GRIK1: variants seen among roughly 807,000 people sequenced by gnomAD.
GRIK1 encodes glutamate receptor ionotropic, kainate 1.
A neutral mutation model predicts 105.7 loss-of-function variants in GRIK1; 69 were observed. That is an observed-to-expected ratio of 0.65 (90% CI 0.54 to 0.80). The LOEUF is 0.80. GRIK1 is among the 30% of genes least tolerant of loss of function. The probability of loss-of-function intolerance (pLI) is 0.00; values close to 1 mark genes in which losing one functional copy is unlikely to be tolerated. For missense variants in GRIK1, 1,109 were observed against 1,167.3 expected, an observed-to-expected ratio of 0.95 and a Z score of 0.73; for synonymous variants, 438 against 431.3, an observed-to-expected ratio of 1.02 and a Z score of -0.19.
At chr21:29,729,122 C>T (rs2064545883) in intron 1 of GRIK1, among the ~76,000 whole-genome samples, 1 of 152,158 alleles carries the variant, frequency 6.6e-6, no homozygotes, top group Admixed American at 6.6e-5. Flanking sequence ...TTCCCCAAAG[C>T]TTCCTTGACT....
rs1203963402 is a variant in GRIK1 at position 29,684,032 on chromosome 21, T to C, written c.544+5696A>G. On this transcript the variant is annotated intron_variant, in intron 3 of 17. Coordinates refer to ENST00000327783, the MANE Select transcript of GRIK1 (RefSeq NM_001330994.2). ...CCTGGTATCCTTACATAAAACTGTATACCTCATCTCTACTGTCGGTCTCCC... is the reference window on the plus strand; with the variant it reads ...CCTGGTATCCTTACATAAAACTGTACACCTCATCTCTACTGTCGGTCTCCC... Among the ~76,000 whole-genome samples the C allele has an allele frequency of 2.0e-5, 3 of 152,252 alleles. No individual in the cohort carries two copies. The East Asian group carries it at 5.8e-4, about 29-fold the overall frequency.
intron 1 of GRIK1, among the ~76,000 whole-genome samples, chr21:29,774,506 C>G (rs2065894069): frequency 7.3e-6 from 1 of 137,486 alleles, no homozygotes; most frequent in South Asian, 2.3e-4. Flanking sequence ...GGCTGGAGTG[C>G]AGTGGCACGA....
intron 13 of GRIK1, 27 bp downstream of exon 13, chr21:29,581,398 T>C: frequency 7.7e-7 from 1 of 1,303,796 alleles, no homozygotes; most frequent in South Asian, 1.2e-5. Flanking sequence ...GTGGGATGCG[T>C]GTGACAAAGA....
At position 29,707,437 on chromosome 21, in the gene GRIK1, TCCCTCCCTC is replaced by T. The variant is rs1568997577; in HGVS notation, c.119-13383_119-13375del. ...TTCTTTCTTTCTTTCCCTTCCTCCC[TCCCTCCCTC>T]CCTCCCTCCCTCCCTCCCTCCCTCC... On this transcript the variant is annotated intron_variant, in intron 1 of 17. Coordinates refer to ENST00000327783, the MANE Select transcript of GRIK1 (RefSeq NM_001330994.2). 7.8e-5 allele frequency among the ~76,000 whole-genome samples: 4 copies of T among 51,048 alleles called. 1 individual carries two copies. The highest frequency in any genetic ancestry group is 4.0e-4 in the Admixed American group (2 of 5,060). The allele number at this position is 51,048 out of a possible 152,430, so 33.5% of individuals were successfully genotyped here.
chr21:29,893,020 C>T (rs1054748803), intron 1 of GRIK1, among the ~76,000 whole-genome samples: 1 of 152,136 alleles, frequency 6.6e-6, no homozygotes, highest in Admixed American at 6.5e-5. Flanking sequence ...ACTGAAGATA[C>T]AATTAGCTGG....
rs550933640 is a variant in GRIK1, at chr21:29,781,206, T to C, written c.119-87143A>G. ...AATTTTATATAAATGGAATCATACC[T>C]ATCTGTGCTTCTTTGCAACTTTATA... On this transcript the variant is annotated intron_variant, in intron 1 of 17. Coordinates refer to ENST00000327783, the MANE Select transcript of GRIK1 (RefSeq NM_001330994.2). 3.3e-5 allele frequency among the ~76,000 whole-genome samples: 5 copies of C among 152,216 alleles called. No individual in the cohort carries two copies. The East Asian group carries it at 9.8e-4, about 30-fold the overall frequency.
chr21:29,771,558 A>G (rs2065812920), intron 1 of GRIK1, among the ~76,000 whole-genome samples: 1 of 152,324 alleles, frequency 6.6e-6, no homozygotes, highest in East Asian at 1.9e-4. Flanking sequence ...CTTGGACTTC[A>G]GTTTTTCCTT....
Position 29,537,902 on chromosome 21 carries a change from A to G in GRIK1, c.2608-18T>C. On this transcript the variant is annotated intron_variant, in intron 16 of 17. Transcript: ENST00000327783. ...TTTCCTTTCTGATAAAAAAAAAAGAAAAAAAAACAATTTTAAATTGTACAT... is the reference window on the plus strand; with the variant it reads ...TTTCCTTTCTGATAAAAAAAAAAGAGAAAAAAACAATTTTAAATTGTACAT... The G allele has an allele frequency of 4.6e-6, 5 of 1,097,296 alleles. No individual in the cohort carries two copies. The highest frequency in any genetic ancestry group is 6.8e-6 in the Non-Finnish European group (5 of 730,162). The allele number at this position is 1,097,296 out of a possible 1,614,324, so 68.0% of individuals were successfully genotyped here. A position where few individuals can be genotyped will look rare whatever the true frequency, so the allele number is the denominator to read the frequency against.
chr21:29,740,970 G>C (rs1010316801), intron 1 of GRIK1, among the ~76,000 whole-genome samples: 5 of 152,200 alleles, frequency 3.3e-5, no homozygotes, highest in Non-Finnish European at 5.9e-5. Context: ...TGAAGATGTA[G>C]AAACCAACTC....
chr21:29,899,681 G>A (rs1023423897), intron 1 of GRIK1, among the ~76,000 whole-genome samples: 5 of 152,114 alleles, frequency 3.3e-5, no homozygotes, highest in South Asian at 4.2e-4. Flanking sequence ...TTATAGAGAT[G>A]TCATTTTCAG....
chr21:29,609,241 G>A (rs2061680571), intron 7 of GRIK1, among the ~76,000 whole-genome samples: 1 of 151,692 alleles, frequency 6.6e-6, no homozygotes, highest in South Asian at 2.1e-4. Flanking sequence ...CTCTCTCTTT[G>A]GTAACCTATA....
intron 16 of GRIK1, among the ~76,000 whole-genome samples, chr21:29,542,218 T>C (rs1224136103): frequency 6.6e-6 from 1 of 152,206 alleles, no homozygotes; most frequent in African/African-American, 2.4e-5. Flanking sequence ...TCCATGCTTG[T>C]GGTGTGTCCC....
At chr21:29,916,590 A>T (rs933351602) in intron 1 of GRIK1, among the ~76,000 whole-genome samples, 1 of 151,520 alleles carries the variant, frequency 6.6e-6, no homozygotes, top group Non-Finnish European at 1.5e-5. Flanking sequence ...ATCGATAATA[A>T]AAGAGTCTAT....
At chr21:29,560,353 TTCTTTTTCTTTCTTCCTTC>T (rs1568813305) in intron 15 of GRIK1, among the ~76,000 whole-genome samples, 42 of 100,700 alleles carry the variant, frequency 4.2e-4, no homozygotes, top group Admixed American at 3.2e-3. Flanking sequence ...CTTTCTTTCT[TTCTTTTTCTTTCTTCCTTC>T]CTTCCTTCCT....
intron 1 of GRIK1, among the ~76,000 whole-genome samples, chr21:29,728,398 T>C (rs1006078407): frequency 6.6e-6 from 1 of 152,066 alleles, no homozygotes; most frequent in Non-Finnish European, 1.5e-5. Flanking sequence ...TGAAGGGGGA[T>C]AGGGCCTAGG....
intron 1 of GRIK1, among the ~76,000 whole-genome samples, chr21:29,893,489 G>A (rs183399372): frequency 6.6e-6 from 1 of 152,234 alleles, no homozygotes; most frequent in Admixed American, 6.5e-5. Flanking sequence ...ATCCCTCTGT[G>A]CCTCAGTTCC....
At chr21:29,753,069 C>A (rs2145655018) in intron 1 of GRIK1, among the ~76,000 whole-genome samples, 1 of 152,242 alleles carries the variant, frequency 6.6e-6, no homozygotes, top group Non-Finnish European at 1.5e-5. Flanking sequence ...GGCAAGAGCT[C>A]TTTTTCTGGT....
intron 1 of GRIK1, among the ~76,000 whole-genome samples, chr21:29,934,908 A>T (rs2071697016): frequency 6.6e-6 from 1 of 152,156 alleles, no homozygotes; most frequent in African/African-American, 2.4e-5. Context: ...CATTCTCAGC[A>T]ACATGTTAAT....
intron 1 of GRIK1, among the ~76,000 whole-genome samples, chr21:29,849,006 C>T (rs2068224999): frequency 6.6e-6 from 1 of 151,724 alleles, no homozygotes. Flanking sequence ...GAACAGAACC[C>T]AAATCTGTTT....
Sources: gnomAD v4.1 joint callset for allele counts (sites outside exome capture counted in the v4.1 genomes callset) on GRCh38, gnomAD v4.1.1 for gene constraint, MANE v1.5 for transcripts, NCBI Gene and HGNC (gene_info 2026-07-23, HGNC 2026-07-21) for gene names.